The following NLRP5 variants were observed in gnomAD, a reference collection of about 807,000 sequenced individuals.
NLRP5 encodes the protein NACHT, LRR and PYD domains-containing protein 5.
Under a neutral mutation model 113.1 loss-of-function variants are expected in NLRP5, and 93 were observed. The ratio of observed to expected loss-of-function variants is 0.82; its 90% CI spans 0.70 to 0.98. The LOEUF (loss-of-function observed/expected upper bound fraction) is 0.98, where lower values mean the gene tolerates loss of function less well. Among genes scored for constraint, NLRP5 ranks in the 50% least tolerant of loss-of-function variants. The pLI, the probability that NLRP5 is intolerant of heterozygous loss-of-function variation, is 0.00. For missense variants in NLRP5, 1,808 were observed against 1,514.3 expected (o/e 1.19, Z -3.22); for synonymous variants, 751 against 600.7 (o/e 1.25, Z -3.66).
At chr19:55,991,376 T>A in the NLRP5 span, among the ~76,000 whole-genome samples, 1 of 152,200 alleles carries the variant, frequency 6.6e-6, no homozygotes, top group Non-Finnish European at 1.5e-5. Flanking sequence ...TGGCTTTTCA[T>A]AGAAACATTG....
At chr19:55,996,561 C>T (rs1234958777), upstream of NLRP5, among the ~76,000 whole-genome samples, 1 of 152,106 alleles carries the variant, frequency 6.6e-6, no homozygotes, top group Non-Finnish European at 1.5e-5. Flanking sequence ...TGTTCAGTTC[C>T]CACCTATGAG....
chr19:56,011,158 A>AATATAT (rs1555764999), intron 3 of NLRP5, among the ~76,000 whole-genome samples: 1 of 145,124 alleles, frequency 6.9e-6, no homozygotes, highest in Admixed American at 6.9e-5. Context: ...GTCTTTAAAA[A>AATATAT]ATATATATAC....
chr19:56,053,719 G>C lies in NLRP5; in HGVS notation c.3210G>C (p.Leu1070=), dbSNP rs747465459. The change falls in exon 13 of 15, where the codon CTG becomes CTC. Residue 1070 remains leucine, a synonymous_variant. Transcript: ENST00000390649. ...CGAGGAGCAGACACCTGAAGAGCCT[G>C]GATCTCACGGACAATGCCCTGGGTG... The C allele has an allele frequency of 1.9e-6, 3 of 1,613,924 alleles. No individual in the cohort carries two copies. In the East Asian group the frequency reaches 6.7e-5, roughly 36 times the overall value.
rs61737648 is a variant in NLRP5, at chr19:56,053,747, G to C, written c.3238G>C (p.Gly1080Arg). Residue 1080 changes from glycine to arginine, a missense_variant, in exon 13 of 15, where the codon GGT (glycine) becomes CGT (arginine). Coordinates refer to ENST00000390649, the MANE Select transcript of NLRP5 (RefSeq NM_153447.4). Reference sequence around the variant, plus strand: ...TCTCACGGACAATGCCCTGGGTGACGGTGGGGTTGCTGCGCTGTGCGAGGG... The same window carrying C: ...TCTCACGGACAATGCCCTGGGTGACCGTGGGGTTGCTGCGCTGTGCGAGGG... The C allele has an allele frequency of 6.2e-7, 1 of 1,613,826 alleles. No individual in the cohort carries two copies. The highest frequency in any genetic ancestry group is 1.3e-5 in the African/African-American group (1 of 74,912).
At chr19:56,025,992 C>T (rs1982828916) in intron 6 of NLRP5, among the ~76,000 whole-genome samples, 1 of 152,074 alleles carries the variant, frequency 6.6e-6, no homozygotes, top group African/African-American at 2.4e-5. Context: ...GGGGGGAGAC[C>T]ATCAGCAAAT....
chr19:56,017,546 C>G (rs1982455673), intron 4 of NLRP5, among the ~76,000 whole-genome samples: 1 of 152,142 alleles, frequency 6.6e-6, no homozygotes. Flanking sequence ...CGTGTGGCTT[C>G]ACTTCCATAT....
Position 56,003,850 on chromosome 19 carries a change from A to T in NLRP5, c.197A>T (p.Gln66Leu). The stretch of plus-strand genomic sequence containing the variant: ...CTCACCTTTTCCAGCTACGGGCTGC[A>T]ATGGTGTCTCTATGAGCTAGACAAG... The change falls in exon 2 of 15, where the codon CAA (glutamine) becomes CTA (leucine). Residue 66 changes from glutamine (Q) to leucine (L), a missense_variant. Gln to Leu is a moderately radical substitution (Grantham distance 113). Coordinates refer to ENST00000390649, the MANE Select transcript of NLRP5 (RefSeq NM_153447.4). 6.2e-7 allele frequency: 1 copy of T among 1,613,974 alleles called. No homozygotes were observed. The highest frequency in any genetic ancestry group is 8.5e-7 in the Non-Finnish European group (1 of 1,179,890).
chr19:55,998,694 A>ATGTGTGTGTGTGTG (rs1555762415), upstream of NLRP5, among the ~76,000 whole-genome samples: 26 of 58,032 alleles, frequency 4.5e-4, no homozygotes, highest in African/African-American at 1.1e-3. Context: ...ATATATATAT[A>ATGTGTGTGTGTGTG]TATATATATG....
Position 56,027,841 on chromosome 19 carries a change from G to A in NLRP5, c.1608G>A (p.Val536=). Reference sequence around the variant, plus strand: ...TGAAGCGCTTCTGCCGTATGGCTGTGGAGGGAGTGTGGAATAGGAAGTCAG... The same window carrying A: ...TGAAGCGCTTCTGCCGTATGGCTGTAGAGGGAGTGTGGAATAGGAAGTCAG... Residue 536 remains valine, a synonymous_variant, in exon 7 of 15, where the codon GTG becomes GTA. Coordinates refer to ENST00000390649, the MANE Select transcript of NLRP5 (RefSeq NM_153447.4). 1.2e-6 allele frequency: 2 copies of A among 1,613,982 alleles called. No individual in the cohort carries two copies. Among genetic ancestry groups the A allele is most frequent in the African/African-American group, 1.3e-5 (1 of 75,046 alleles).
intron 6 of NLRP5, among the ~76,000 whole-genome samples, chr19:56,025,908 C>T (rs547715439): frequency 6.6e-6 from 1 of 152,210 alleles, no homozygotes; most frequent in Admixed American, 6.5e-5. Context: ...ACTTGATTTC[C>T]CACAGAGTGC....
chr19:56,044,553 C>G (rs191039), intron 11 of NLRP5, among the ~76,000 whole-genome samples: 92,747 of 152,012 alleles, frequency 0.61, 28,986 homozygotes, highest in Non-Finnish European at 0.67. Context: ...TCTGGGTTCT[C>G]TATTCTGTTT....
At position 56,045,385 on chromosome 19, in the gene NLRP5, G is replaced by A. The variant is rs942835805; in HGVS notation, c.2957+4293G>A. On this transcript the variant is annotated intron_variant, in intron 11 of 14. Coordinates refer to ENST00000390649, the MANE Select transcript of NLRP5 (RefSeq NM_153447.4). ...GGCTGAGTCTGAAAAGAGAGTCAGC[G>A]AAGGGTGATGGGATTGGAGCTAGTT... Among the ~76,000 whole-genome samples the A allele has an allele frequency of 2.0e-5, 3 of 152,162 alleles. No homozygotes were observed. The South Asian group carries it at 6.2e-4, about 32-fold the overall frequency.
chr19:55,992,721 A>G, the NLRP5 span, among the ~76,000 whole-genome samples: 380 of 152,240 alleles, frequency 2.5e-3, 4 homozygotes, highest in African/African-American at 8.9e-3. Flanking sequence ...GCAGAGAGCA[A>G]ATGGCCCCAA....
At chr19:56,045,546 T>C (rs928814411) in intron 11 of NLRP5, among the ~76,000 whole-genome samples, 2 of 152,136 alleles carry the variant, frequency 1.3e-5, no homozygotes, top group African/African-American at 4.8e-5. Flanking sequence ...TATCTCGTAA[T>C]GCTATCCCTC....
In NLRP5 at chr19:56,027,662, A is replaced by G. The variant is rs938974393; in HGVS notation, c.1429A>G (p.Ile477Val). The stretch of plus-strand genomic sequence containing the variant: ...CCAGGTGCCCGCCGTGGGCTCTCTC[A>G]TCTGCGTGGCCCTGCAGCTGCAGGA... Residue 477 changes from isoleucine to valine, a missense_variant, in exon 7 of 15, where the codon ATC becomes GTC. Coordinates refer to ENST00000390649, the MANE Select transcript of NLRP5 (RefSeq NM_153447.4). The G allele has an allele frequency of 6.2e-7, 1 of 1,612,474 alleles. No individual in the cohort carries two copies. Among genetic ancestry groups the G allele is most frequent in the African/African-American group, 1.3e-5 (1 of 74,912 alleles).
rs557557356 is a variant in NLRP5 at position 56,055,797 on chromosome 19, G to A, written c.3299+1989G>A. On this transcript the variant is annotated intron_variant, in intron 13 of 14. Transcript: ENST00000390649. The stretch of plus-strand genomic sequence containing the variant: ...CCTGACCTCATGATCTGCCCGCCTT[G>A]GCCTCCCAAAGTGCTGGGATTACAG... Among the ~76,000 whole-genome samples the A allele has an allele frequency of 7.9e-3, 1,197 of 150,776 alleles. 14 individuals carry two copies. Among genetic ancestry groups the A allele is most frequent in the African/African-American group, 0.027 (1,096 of 40,986 alleles).
intron 3 of NLRP5, among the ~76,000 whole-genome samples, chr19:56,010,885 C>G (rs1161893272): frequency 4.0e-5 from 6 of 151,712 alleles, no homozygotes; most frequent in Admixed American, 2.6e-4. Flanking sequence ...GACACAGTGA[C>G]TCATACCTGT....
At chr19:56,020,137 C>G (rs1483831337) in intron 5 of NLRP5, among the ~76,000 whole-genome samples, 3 of 151,862 alleles carry the variant, frequency 2.0e-5, no homozygotes, top group Admixed American at 6.6e-5. Context: ...CGACCTACCC[C>G]TCATTTTAAT....
chr19:55,987,885 G>A, the NLRP5 span: 1 of 1,613,948 alleles, frequency 6.2e-7, no homozygotes, highest in Non-Finnish European at 8.5e-7. Flanking sequence ...ACGGGAAAAA[G>A]TGACTGCCTA....
Sources: allele counts gnomAD v4.1 joint callset (sites outside exome capture counted in the v4.1 genomes callset), GRCh38; gene constraint gnomAD v4.1.1; transcripts MANE v1.5; gene names NCBI Gene and HGNC (gene_info 2026-07-23, HGNC 2026-07-21).